Variants in SMS observed in about 807,000 individuals in gnomAD.
The protein encoded by SMS is spermidine aminopropyltransferase.
In SMS, 3 loss-of-function variants were observed where a neutral mutation model predicts 33.0. The ratio of observed to expected loss-of-function variants is 0.09; its 90% confidence interval spans 0.04 to 0.23. The LOEUF (loss-of-function observed/expected upper bound fraction) is 0.23, where lower values mean the gene tolerates loss of function less well. SMS is among the 10% of genes least tolerant of loss of function. The probability of loss-of-function intolerance (pLI) is 1.00; values close to 1 mark genes in which losing one functional copy is unlikely to be tolerated. For missense variants in SMS, 117 were observed against 288.6 expected, an observed-to-expected ratio of 0.41 and a Z score of 4.31; for synonymous variants, 103 against 112.2, an observed-to-expected ratio of 0.92 and a Z score of 0.52.
At chrX:21,970,649 G>A (rs1397033272) in intron 2 of SMS, among the ~76,000 whole-genome samples, 2 of 109,778 alleles carry the variant, frequency 1.8e-5, no homozygotes, top group African/African-American at 6.6e-5. Context: ...GCTCACTTAG[G>A]CCTTGACCTC....
At chrX:21,978,164 C>T in intron 6 of SMS, 50 bp downstream of exon 6, 6 of 1,108,977 alleles carry the variant, frequency 5.4e-6, no homozygotes, top group Non-Finnish European at 7.5e-6. Flanking sequence ...CTTTTGTTTC[C>T]TTCCTTCAGT....
At chrX:21,970,839 C>T (rs1204530380) in intron 2 of SMS, among the ~76,000 whole-genome samples, 1 of 106,989 alleles carries the variant, frequency 9.3e-6, no homozygotes, top group Middle Eastern at 4.4e-3. Flanking sequence ...ATTTCTTTAC[C>T]TATAATTTGT....
chrX:21,977,490 A>G lies in SMS; in HGVS notation c.505+254A>G, dbSNP rs1924611309. 2.7e-5 allele frequency among the ~76,000 whole-genome samples: 3 copies of G among 112,194 alleles called. No individual in the cohort carries two copies. In the South Asian group the frequency reaches 1.1e-3, roughly 41 times the overall value. On this transcript the variant is annotated intron_variant, in intron 5 of 10. Transcript: ENST00000404933. ...AAGAAAATGCATTTGCATATTTAAAAAAAAAAACCTTTTTGTTACAGAACA... is the reference window on the plus strand; with the variant it reads ...AAGAAAATGCATTTGCATATTTAAAGAAAAAAACCTTTTTGTTACAGAACA...
rs1221206513 is a variant in SMS, at chrX:21,978,102, C to T, written c.648C>T (p.Val216=). 2 of 1,207,187 alleles carry T rather than the reference C, an allele frequency of 1.7e-6. No individual in the cohort carries two copies. Among genetic ancestry groups the T allele is most frequent in the African/African-American group, 3.5e-5 (2 of 57,172 alleles). The part of the protein sequence containing the change: ...CEIVKLKPKM[V]TMVEIDQMVI... ...TAGTCAAACTAAAACCAAAGATGGTCACTATGGTAGAGATATCCTTTGTTG... is the reference window on the plus strand; with the variant it reads ...TAGTCAAACTAAAACCAAAGATGGTTACTATGGTAGAGATATCCTTTGTTG... The change falls in exon 6 of 11, where the codon GTC becomes GTT. Residue 216 remains valine (V), a synonymous_variant. Transcript: ENST00000404933.
At chrX:21,980,734 G>T (rs1354790764) in intron 7 of SMS, among the ~76,000 whole-genome samples, 1 of 110,750 alleles carries the variant, frequency 9.0e-6, no homozygotes, top group African/African-American at 3.3e-5. Context: ...CTAATTATTT[G>T]TAGATGATGT....
At position 21,978,533 on chromosome X, in the gene SMS, G is replaced by A. The variant is rs186544687; in HGVS notation, c.661-344G>A. Among the ~76,000 whole-genome samples, 306 of 111,705 alleles carry A rather than the reference G, an allele frequency of 2.7e-3. 4 individuals carry two copies. The highest frequency in any genetic ancestry group is 9.2e-3 in the Middle Eastern group (2 of 218). ...AGAGGTTGCAGTAAGCCAAGATTGCGCAACTTCACTCCAGCCTGGGTGACA... is the reference window on the plus strand; with the variant it reads ...AGAGGTTGCAGTAAGCCAAGATTGCACAACTTCACTCCAGCCTGGGTGACA... On this transcript the variant is annotated intron_variant, in intron 6 of 10. Transcript: ENST00000404933.
Position 21,987,647 on chromosome X carries a change from C to T in SMS, c.945+2424C>T, listed in dbSNP as rs533430054. ...CAGAATTTTTTCTTTTAGGTTTCTG[C>T]AAATACATAAAAGGAAATCTCAAGC... On this transcript the variant is annotated intron_variant, in intron 9 of 10. Coordinates refer to ENST00000404933, the MANE Select transcript of SMS (RefSeq NM_004595.5). Among the ~76,000 whole-genome samples the T allele has an allele frequency of 8.0e-5, 9 of 112,511 alleles. No individual in the cohort carries two copies. The South Asian group carries it at 2.9e-3, about 36-fold the overall frequency.
intron 1 of SMS, among the ~76,000 whole-genome samples, chrX:21,962,836 G>C (rs986822627): frequency 4.0e-4 from 44 of 109,850 alleles, no homozygotes; most frequent in African/African-American, 1.4e-3. Flanking sequence ...TTGTATTTTT[G>C]GTAGAGACAG....
At chrX:21,950,688 C>T (rs1210706195) in intron 1 of SMS, among the ~76,000 whole-genome samples, 1 of 109,000 alleles carries the variant, frequency 9.2e-6, no homozygotes, top group Non-Finnish European at 1.9e-5. Context: ...TGAGTGAGAA[C>T]ATGTGGTGTT....
intron 1 of SMS, among the ~76,000 whole-genome samples, chrX:21,942,077 C>T (rs997065982): frequency 4.6e-5 from 5 of 108,390 alleles, no homozygotes; most frequent in Non-Finnish European, 9.6e-5. Flanking sequence ...TTTCTGGTGG[C>T]TTTTAAACCT....
intron 5 of SMS, among the ~76,000 whole-genome samples, chrX:21,977,545 A>T (rs1489561110): frequency 8.9e-6 from 1 of 112,163 alleles, no homozygotes; most frequent in Non-Finnish European, 1.9e-5. Context: ...AACTAGTGTG[A>T]TGAACCCACA....
At chrX:21,942,097 G>C (rs1390212667) in intron 1 of SMS, among the ~76,000 whole-genome samples, 1 of 108,921 alleles carries the variant, frequency 9.2e-6, no homozygotes, top group Non-Finnish European at 1.9e-5. Flanking sequence ...TGTGACTGCC[G>C]CAGACTTGAA....
chrX:21,978,536 A>G (rs903243368), intron 6 of SMS, among the ~76,000 whole-genome samples: 2 of 111,763 alleles, frequency 1.8e-5, no homozygotes, highest in African/African-American at 6.5e-5. Context: ...AGATTGCGCA[A>G]CTTCACTCCA....
intron 7 of SMS, among the ~76,000 whole-genome samples, chrX:21,981,446 C>A (rs1354467059): frequency 6.3e-5 from 7 of 111,653 alleles, no homozygotes; most frequent in Non-Finnish European, 1.3e-4. Context: ...TCTAAGAATA[C>A]CCAAGAAAAC....
At chrX:21,989,792 GA>G in intron 9 of SMS, among the ~76,000 whole-genome samples, 1 of 111,405 alleles carries the variant, frequency 9.0e-6, no homozygotes, top group Non-Finnish European at 1.9e-5. Flanking sequence ...GCCCAGGCTA[GA>G]GTACAGTGGC....
chrX:21,979,304 T>A lies in SMS; in HGVS notation c.750+338T>A, dbSNP rs970641967. Reference sequence around the variant, plus strand: ...TGCACCTATGAACCCATCATCTAGGTTTTAAGCCCTGCATGCGTTAGGTAT... The same window carrying A: ...TGCACCTATGAACCCATCATCTAGGATTTAAGCCCTGCATGCGTTAGGTAT... On this transcript the variant is annotated intron_variant, in intron 7 of 10. Transcript: ENST00000404933. 1.5e-4 allele frequency among the ~76,000 whole-genome samples: 17 copies of A among 110,310 alleles called. No homozygotes were observed. In the Admixed American group the frequency reaches 1.5e-3, roughly 10 times the overall value.
intron 9 of SMS, among the ~76,000 whole-genome samples, chrX:21,986,664 C>G (rs981939724): frequency 1.8e-5 from 2 of 112,266 alleles, no homozygotes; most frequent in Admixed American, 1.9e-4. Context: ...CTCTGCCCCC[C>G]ACAACATTTA....
At chrX:21,982,086 C>A (rs1169214467) in intron 7 of SMS, among the ~76,000 whole-genome samples, 1 of 110,252 alleles carries the variant, frequency 9.1e-6, no homozygotes, top group East Asian at 2.8e-4. Flanking sequence ...GTAATCCCAG[C>A]ACTTTGGGAG....
At chrX:21,949,800 T>G (rs1339307602) in intron 1 of SMS, among the ~76,000 whole-genome samples, 2 of 111,231 alleles carry the variant, frequency 1.8e-5, no homozygotes, top group Non-Finnish European at 3.8e-5. Context: ...TCCTCAATCC[T>G]TTTTCTTAGA....
Sources: gnomAD v4.1 joint callset for allele counts (sites outside exome capture counted in the v4.1 genomes callset) on GRCh38, gnomAD v4.1.1 for gene constraint, MANE v1.5 for transcripts, NCBI Gene and HGNC (gene_info 2026-07-23, HGNC 2026-07-21) for gene names.